The following ENTPD7 variants were observed in gnomAD, a reference collection of about 807,000 sequenced individuals.
The protein encoded by ENTPD7 is NTPDase 7.
A neutral mutation model predicts 77.9 loss-of-function variants in ENTPD7; 53 were observed. That is an observed-to-expected ratio of 0.68 (90% confidence interval 0.55 to 0.85). The LOEUF is 0.85. ENTPD7 is among the 40% of genes least tolerant of loss of function. ENTPD7 has a pLI of 0.00. For missense variants in ENTPD7, 636 were observed against 743.7 expected (o/e 0.86, Z 1.68); for synonymous variants, 248 against 274.9 (o/e 0.90, Z 0.97).
intron 2 of ENTPD7, chr10:99,660,604 G>T: frequency 8.4e-6 from 2 of 238,618 alleles, no homozygotes; most frequent in South Asian, 3.8e-5. Flanking sequence ...ATTTATGCTT[G>T]TGTATCCGTA....
intron 5 of ENTPD7, among the ~76,000 whole-genome samples, chr10:99,684,520 A>G (rs2035789202): frequency 6.6e-6 from 1 of 152,242 alleles, no homozygotes; most frequent in African/African-American, 2.4e-5. Flanking sequence ...CAAGAATTTA[A>G]TATGTATAAC....
intron 3 of ENTPD7, among the ~76,000 whole-genome samples, chr10:99,662,843 A>G (rs2035503310): frequency 6.6e-6 from 1 of 152,254 alleles, no homozygotes; most frequent in African/African-American, 2.4e-5. Flanking sequence ...GTGCAAGACA[A>G]TTAAAGACAG....
chr10:99,678,400 G>A lies in ENTPD7; in HGVS notation c.192-861G>A, dbSNP rs574639289. Among the ~76,000 whole-genome samples the A allele has an allele frequency of 1.3e-4, 20 of 151,486 alleles. No individual in the cohort carries two copies. In the South Asian group the frequency reaches 1.9e-3, roughly 14 times the overall value. ...GGAGAATGGCATGAACCTGGGAGGC[G>A]AAGCGTGCAGTGAGCTGAGATCATG... is the stretch of plus-strand genomic sequence containing the variant. On this transcript the variant is annotated intron_variant, in intron 3 of 12. Transcript: ENST00000370489.
At position 99,708,127 on chromosome 10, in the gene ENTPD7, A is replaced by AT. The variant is rs2036288450; in HGVS notation, c.*3447dup. ...TTTCATCACTTTCCACCAATCTTCT[A>AT]TTTATTCTCCAAATGTCTTCCAAAG... On this transcript the variant is annotated 3_prime_UTR_variant, in exon 13 of 13. Coordinates refer to ENST00000370489, the MANE Select transcript of ENTPD7 (RefSeq NM_020354.5). Among the ~76,000 whole-genome samples, 1 of 152,046 alleles carries AT rather than the reference A, an allele frequency of 6.6e-6. No individual in the cohort carries two copies. Among genetic ancestry groups the AT allele is most frequent in the South Asian group, 2.1e-4 (1 of 4,832 alleles).
chr10:99,681,736 G>T (rs1272073688), intron 5 of ENTPD7, among the ~76,000 whole-genome samples: 2 of 152,152 alleles, frequency 1.3e-5, no homozygotes, highest in Non-Finnish European at 2.9e-5. Context: ...ATCCTGACAA[G>T]TGTGAGGTGA....
In ENTPD7 at chr10:99,708,521, A is replaced by G. The variant is rs748303676; in HGVS notation, c.*3838A>G. 6.6e-6 allele frequency among the ~76,000 whole-genome samples: 1 copy of G among 152,172 alleles called. No homozygotes were observed. Among genetic ancestry groups the G allele is most frequent in the Non-Finnish European group, 1.5e-5 (1 of 68,028 alleles). On this transcript the variant is annotated 3_prime_UTR_variant, in exon 13 of 13. Coordinates refer to ENST00000370489, the MANE Select transcript of ENTPD7 (RefSeq NM_020354.5). ...ACCATCTCTGGTTCGGTTCTCATCTATCAAACAAAGAGGCTAGACAAGATT... is the reference window on the plus strand; with the variant it reads ...ACCATCTCTGGTTCGGTTCTCATCTGTCAAACAAAGAGGCTAGACAAGATT...
chr10:99,679,908 C>T lies in ENTPD7; in HGVS notation c.548+33C>T, dbSNP rs201787362. On this transcript the variant is annotated intron_variant, in intron 5 of 12. Coordinates refer to ENST00000370489, the MANE Select transcript of ENTPD7 (RefSeq NM_020354.5). Reference sequence around the variant, plus strand: ...GCAGGGTACAGGAAACACAGGAAAACGGTGGCACAAGAGATGAAAGGCCAG... The same window carrying T: ...GCAGGGTACAGGAAACACAGGAAAATGGTGGCACAAGAGATGAAAGGCCAG... 82 of 1,590,050 alleles carry T rather than the reference C, an allele frequency of 5.2e-5. No homozygotes were observed. In the African/African-American group the frequency reaches 8.4e-4, roughly 16 times the overall value.
chr10:99,700,908 C>T (rs755197959), intron 10 of ENTPD7, 65 bp from the exon 11 acceptor site: 3 of 1,303,422 alleles, frequency 2.3e-6, no homozygotes, highest in Non-Finnish European at 3.3e-6. Context: ...ACAGCTGTGA[C>T]TGTGGGGAAG....
At chr10:99,687,498 C>T (rs944482434) in intron 6 of ENTPD7, among the ~76,000 whole-genome samples, 1 of 151,848 alleles carries the variant, frequency 6.6e-6, no homozygotes, top group African/African-American at 2.4e-5. Context: ...ATCTCCTGAC[C>T]TCGTGATCCA....
chr10:99,679,375 G>A lies in ENTPD7; in HGVS notation c.306G>A (p.Trp102Ter). ...GTTCCCGGATTTTTGTTTATTTCTGGCCAAGACATAATGGGAACCCCCATG... is the reference window on the plus strand; with the variant it reads ...GTTCCCGGATTTTTGTTTATTTCTGACCAAGACATAATGGGAACCCCCATG... ...SSGSRIFVYF[W>*]PRHNGNPHDL... The change falls in exon 4 of 13, where the codon TGG becomes TGA. Residue 102 changes from tryptophan to a stop codon, truncating the protein, a stop_gained. Coordinates refer to ENST00000370489, the MANE Select transcript of ENTPD7 (RefSeq NM_020354.5). LOFTEE classifies it high-confidence loss of function. 1 of 1,613,950 alleles carries A rather than the reference G, an allele frequency of 6.2e-7. No individual in the cohort carries two copies. The highest frequency in any genetic ancestry group is 8.5e-7 in the Non-Finnish European group (1 of 1,179,986).
In ENTPD7 at chr10:99,704,661, T is replaced by C; in HGVS notation, c.1793T>C (p.Met598Thr). The C allele has an allele frequency of 2.5e-6, 4 of 1,613,930 alleles. No individual in the cohort carries two copies. Among genetic ancestry groups the C allele is most frequent in the Non-Finnish European group, 3.4e-6 (4 of 1,179,946 alleles). The change falls in exon 13 of 13, where the codon ATG becomes ACG. Residue 598 changes from methionine to threonine, a missense_variant. Met to Thr is a moderately conservative substitution (Grantham distance 81, BLOSUM62 -1). Around this residue, in one of 3 missense-constraint regions of ENTPD7, gnomAD observed 138 missense variants for 150.9 expected, o/e 0.91. Transcript: ENST00000370489. ...LLWLEEVVPM[M>T]GVQVGP ...TGGCTTGAAGAGGTGGTGCCCATGA[T>C]GGGAGTACAGGTGGGGCCGTGAGGC...
intron 6 of ENTPD7, among the ~76,000 whole-genome samples, chr10:99,687,514 C>CTCA (rs1358963983): frequency 6.6e-6 from 1 of 152,048 alleles, no homozygotes; most frequent in Non-Finnish European, 1.5e-5. Flanking sequence ...ATCCACCCAC[C>CTCA]TCAGCCTCCC....
At chr10:99,666,063 A>G (rs1418332055) in intron 3 of ENTPD7, among the ~76,000 whole-genome samples, 1 of 152,196 alleles carries the variant, frequency 6.6e-6, no homozygotes, top group Non-Finnish European at 1.5e-5. Flanking sequence ...GCTAAAGACA[A>G]TTAGGGAGTG....
intron 7 of ENTPD7, among the ~76,000 whole-genome samples, chr10:99,689,874 T>C (rs1297696693): frequency 1.3e-5 from 2 of 152,236 alleles, no homozygotes; most frequent in African/African-American, 4.8e-5. Flanking sequence ...AATGAACTTT[T>C]CTTGATCAAC....
chr10:99,675,826 G>A (rs750161814), intron 3 of ENTPD7, among the ~76,000 whole-genome samples: 33 of 152,090 alleles, frequency 2.2e-4, no homozygotes, highest in Non-Finnish European at 4.6e-4. Flanking sequence ...TTTACCTCCT[G>A]ACCTCATGAT....
chr10:99,669,678 C>G (rs1434706546), intron 3 of ENTPD7, among the ~76,000 whole-genome samples: 1 of 151,176 alleles, frequency 6.6e-6, no homozygotes, highest in Admixed American at 6.6e-5. Context: ...ACCACATATC[C>G]CCTGACCCTA....
chr10:99,668,912 C>T (rs1376184874), intron 3 of ENTPD7, among the ~76,000 whole-genome samples: 1 of 152,054 alleles, frequency 6.6e-6, no homozygotes, highest in Non-Finnish European at 1.5e-5. Context: ...TTTGTGGTGT[C>T]CCTCAGAAAG....
intron 3 of ENTPD7, among the ~76,000 whole-genome samples, chr10:99,669,329 C>T (rs769971082): frequency 9.4e-4 from 143 of 152,062 alleles, no homozygotes; most frequent in Non-Finnish European, 1.7e-3. Flanking sequence ...ACAGATATTT[C>T]AATGTGAACT....
rs548136735 is a variant in ENTPD7 at position 99,709,407 on chromosome 10, C to T, written c.*4724C>T. 8 of 985,376 alleles carry T rather than the reference C, an allele frequency of 8.1e-6. No individual in the cohort carries two copies. The highest frequency in any genetic ancestry group is 2.3e-4 in the East Asian group (2 of 8,814). The allele number at this position is 985,376 out of a possible 1,614,324, so 61.0% of individuals were successfully genotyped here. On this transcript the variant is annotated 3_prime_UTR_variant, in exon 13 of 13. Coordinates refer to ENST00000370489, the MANE Select transcript of ENTPD7 (RefSeq NM_020354.5). ...TTCTCCCATATTAGTCTCTTAGGGA[C>T]GCTAGCTCCAGATTCCAGCCCCTGG...
Sources: allele counts gnomAD v4.1 joint callset (sites outside exome capture counted in the v4.1 genomes callset), GRCh38; gene constraint gnomAD v4.1.1; regional missense constraint gnomAD v4.1.1; transcripts MANE v1.5; gene names NCBI Gene and HGNC (gene_info 2026-07-23, HGNC 2026-07-21).